ERG: variants seen among roughly 807,000 people sequenced by gnomAD.
ERG encodes the protein ETS transcription factor ERG.
ERG carries 9 observed loss-of-function variants against 55.3 expected under a neutral mutation model. The ratio of observed to expected loss-of-function variants is 0.16; its 90% CI spans 0.10 to 0.28. The LOEUF is 0.28. Ranked by LOEUF, ERG falls within the 10% of genes least tolerant of loss-of-function variation. ERG has a pLI of 1.00. For synonymous variants in ERG, 223 were observed against 237.3 expected, an observed-to-expected ratio of 0.94 and a Z score of 0.55; for missense variants, 434 against 631.6, an observed-to-expected ratio of 0.69 and a Z score of 3.35.
At chr21:38,486,973 C>T (rs1010119056) in intron 1 of ERG, among the ~76,000 whole-genome samples, 14 of 152,282 alleles carry the variant, frequency 9.2e-5, no homozygotes, top group African/African-American at 3.4e-4. Context: ...CTCTCTTCTA[C>T]AGATGAGGAA....
intron 3 of ERG, among the ~76,000 whole-genome samples, chr21:38,410,391 T>C (rs1988988965): frequency 6.6e-6 from 1 of 152,252 alleles, no homozygotes; most frequent in Admixed American, 6.5e-5. Context: ...TAAACTGTCA[T>C]GGCACAGGCT....
chr21:38,416,985 C>G (rs986479099), intron 3 of ERG, among the ~76,000 whole-genome samples: 16 of 152,228 alleles, frequency 1.1e-4, no homozygotes, highest in Non-Finnish European at 1.9e-4. Context: ...TTCGTCCTGT[C>G]ATAGCAATCT....
chr21:38,612,727 A>G (rs2060235329), intron 1 of ERG, among the ~76,000 whole-genome samples: 1 of 149,368 alleles, frequency 6.7e-6, no homozygotes, highest in East Asian at 2.0e-4. Context: ...GCAGTGGTGC[A>G]ATCTCGGCTC....
chr21:38,442,074 G>C (rs1246921582), intron 2 of ERG, among the ~76,000 whole-genome samples: 2 of 152,214 alleles, frequency 1.3e-5, no homozygotes, highest in African/African-American at 4.8e-5. Context: ...TATGAGCCCT[G>C]AGAGAGGAAC....
chr21:38,582,203 C>A (rs58714944), intron 1 of ERG, among the ~76,000 whole-genome samples: 14,138 of 152,170 alleles, frequency 0.093, 793 homozygotes, highest in Admixed American at 0.17. Context: ...CAAGTTGTTG[C>A]ACCTAAAAGG....
intron 3 of ERG, among the ~76,000 whole-genome samples, chr21:38,421,240 T>G (rs1042131281): frequency 6.6e-6 from 1 of 152,210 alleles, no homozygotes; most frequent in African/African-American, 2.4e-5. Flanking sequence ...ACCTGTCAAC[T>G]GCCTTTCAGT....
intron 2 of ERG, among the ~76,000 whole-genome samples, chr21:38,506,378 TAGG>T (rs1211862870): frequency 6.6e-6 from 1 of 152,186 alleles, no homozygotes; most frequent in African/African-American, 2.4e-5. Flanking sequence ...CTAAGTGTTA[TAGG>T]AGGAATATGG....
the ERG span, among the ~76,000 whole-genome samples, chr21:38,372,532 TTTA>T: frequency 6.6e-6 from 1 of 152,006 alleles, no homozygotes; most frequent in East Asian, 1.9e-4. Context: ...TTATATGTAT[TTTA>T]TTATATTAAA....
intron 1 of ERG, among the ~76,000 whole-genome samples, chr21:38,485,671 G>C (rs1439563802): frequency 6.6e-6 from 1 of 151,806 alleles, no homozygotes; most frequent in East Asian, 1.9e-4. Context: ...TGTTGGCCAG[G>C]ATGGTCTCGA....
chr21:38,612,919 C>G (rs926120833), intron 1 of ERG, among the ~76,000 whole-genome samples: 1 of 152,140 alleles, frequency 6.6e-6, no homozygotes, highest in Non-Finnish European at 1.5e-5. Flanking sequence ...CCTTGGCCTC[C>G]CAAAGTGCTG....
At chr21:38,459,066 C>T (rs2059016977) in intron 1 of ERG, among the ~76,000 whole-genome samples, 2 of 152,140 alleles carry the variant, frequency 1.3e-5, no homozygotes, top group Admixed American at 6.5e-5. Context: ...TTTTTCTCTC[C>T]TCATTCTCTA....
intron 1 of ERG, among the ~76,000 whole-genome samples, chr21:38,627,651 T>G (rs1031559840): frequency 6.6e-6 from 1 of 152,184 alleles, no homozygotes; most frequent in Non-Finnish European, 1.5e-5. Context: ...ATGGCTGTTA[T>G]GGGGAAAGAT....
intron 2 of ERG, among the ~76,000 whole-genome samples, chr21:38,441,035 G>A (rs1449517370): frequency 6.6e-6 from 1 of 152,122 alleles, no homozygotes; most frequent in Non-Finnish European, 1.5e-5. Context: ...AGCTTGAGCA[G>A]CCCCCTAGTG....
intron 1 of ERG, among the ~76,000 whole-genome samples, chr21:38,482,064 T>A (rs1349601974): frequency 6.6e-6 from 1 of 152,232 alleles, no homozygotes; most frequent in Non-Finnish European, 1.5e-5. Flanking sequence ...GGCTATGGGT[T>A]GCCTGGAAAC....
upstream of ERG, among the ~76,000 whole-genome samples, chr21:38,587,397 C>T (rs954566686): frequency 1.0e-4 from 15 of 149,352 alleles, no homozygotes; most frequent in South Asian, 6.3e-4. Context: ...CTCGCTCTGT[C>T]GCCCAGGCTG....
At chr21:38,527,893 T>G (rs1568884898) in intron 2 of ERG, among the ~76,000 whole-genome samples, 1 of 152,220 alleles carries the variant, frequency 6.6e-6, no homozygotes, top group Non-Finnish European at 1.5e-5. Flanking sequence ...CTGATAAGAT[T>G]GTATGCGTTT....
At chr21:38,484,412 T>C (rs890342018) in intron 1 of ERG, among the ~76,000 whole-genome samples, 2 of 152,184 alleles carry the variant, frequency 1.3e-5, no homozygotes, top group African/African-American at 4.8e-5. Context: ...CAGAGAACAG[T>C]GGTCTCTCCC....
intron 1 of ERG, among the ~76,000 whole-genome samples, chr21:38,591,246 G>C (rs942686206): frequency 2.0e-5 from 3 of 152,192 alleles, no homozygotes; most frequent in Non-Finnish European, 2.9e-5. Flanking sequence ...ATTGAGAACA[G>C]GTCCTGGATT....
In ERG at chr21:38,392,458, T is replaced by C. The variant is rs1988019866; in HGVS notation, c.746-14A>G. 1.4e-6 allele frequency: 2 copies of C among 1,460,830 alleles called. No homozygotes were observed. Among genetic ancestry groups the C allele is most frequent in the Non-Finnish European group, 1.8e-6 (2 of 1,098,018 alleles). The allele number at this position is 1,460,830 out of a possible 1,614,324, so 90.5% of individuals were successfully genotyped here. A position where few individuals can be genotyped will look rare whatever the true frequency, so the allele number is the denominator to read the frequency against. On this transcript the variant is annotated splice_polypyrimidine_tract_variant and intron_variant, in intron 6 of 9. Transcript: ENST00000288319. Reference sequence around the variant, plus strand: ...CATATGGTAAATCTGTAAAGACAAATAAATTGACTAAAAGATCAATCATGT... The same window carrying C: ...CATATGGTAAATCTGTAAAGACAAACAAATTGACTAAAAGATCAATCATGT...
Sources: allele counts gnomAD v4.1 joint callset (sites outside exome capture counted in the v4.1 genomes callset), GRCh38; gene constraint gnomAD v4.1.1; transcripts MANE v1.5; gene names NCBI Gene and HGNC (gene_info 2026-07-23, HGNC 2026-07-21).